The following CELF2 variants were observed in gnomAD, a reference collection of about 807,000 sequenced individuals.
The protein encoded by CELF2 is CUG triplet repeat RNA-binding protein 2.
A neutral mutation model predicts 62.6 loss-of-function variants in CELF2; 8 were observed. That is an observed-to-expected ratio of 0.13 (90% confidence interval 0.07 to 0.23). The LOEUF is 0.23. Among genes scored for constraint, CELF2 ranks in the 10% least tolerant of loss-of-function variants. The pLI, the probability that CELF2 is intolerant of heterozygous loss-of-function variation, is 1.00. For synonymous variants in CELF2, 258 were observed against 250.0 expected (o/e 1.03, Z -0.30); for missense variants, 333 against 671.0 (o/e 0.50, Z 5.56).
rs1354835716 is a variant in CELF2, at chr10:11,315,814, C to G, written c.1096+1556C>G. Among the ~76,000 whole-genome samples, 1 of 152,230 alleles carries G rather than the reference C, an allele frequency of 6.6e-6. No individual in the cohort carries two copies. Among genetic ancestry groups the G allele is most frequent in the Non-Finnish European group, 1.5e-5 (1 of 68,038 alleles). The stretch of plus-strand genomic sequence containing the variant: ...TTCCGGTACAGCTCCTCGCTCTGAC[C>G]TTGTCCTTCACCTAGGTCGAGGACG... On this transcript the variant is annotated intron_variant, in intron 10 of 12. Coordinates refer to ENST00000633077, the MANE Select transcript of CELF2 (RefSeq NM_001326342.2). The surrounding 1 kb of genome is among the most constrained non-coding windows in gnomAD (Gnocchi z 5.8).
chr10:10,703,022 C>T, the CELF2 span, among the ~76,000 whole-genome samples: 2 of 152,224 alleles, frequency 1.3e-5, no homozygotes, highest in Non-Finnish European at 2.9e-5. Context: ...AAAGGGTCAT[C>T]CCACTCTCCT....
In CELF2 at chr10:11,255,560, G is replaced by A. The variant is rs767548437; in HGVS notation, c.404-2178G>A. On this transcript the variant is annotated intron_variant, in intron 4 of 12. Transcript: ENST00000633077. The surrounding 1 kb of genome is among the most constrained non-coding windows in gnomAD (Gnocchi z 5.5). ...TCTCAAACACCTGGGTGCACGATTC[G>A]TAGTTTACAAGTATTGTGGAATCGT... Among the ~76,000 whole-genome samples the A allele has an allele frequency of 2.0e-5, 3 of 152,056 alleles. No homozygotes were observed. Among genetic ancestry groups the A allele is most frequent in the Admixed American group, 6.5e-5 (1 of 15,280 alleles).
At chr10:10,690,846 A>G in the CELF2 span, among the ~76,000 whole-genome samples, 1 of 152,188 alleles carries the variant, frequency 6.6e-6, no homozygotes, top group Non-Finnish European at 1.5e-5. Flanking sequence ...TGCCAACTGC[A>G]TTCCAGCCTG....
the CELF2 span, among the ~76,000 whole-genome samples, chr10:10,785,313 A>AT: frequency 1.3e-5 from 2 of 152,254 alleles, no homozygotes; most frequent in African/African-American, 4.8e-5. Context: ...GGACATTGGG[A>AT]TTTTAAAAGT....
chr10:10,948,503 T>C (rs539611377), intron 2 of CELF2: 2 of 152,166 alleles, frequency 1.3e-5, no homozygotes, highest in East Asian at 1.9e-4. Context: ...TAAGACTTGA[T>C]GTTCTGCTAT....
At chr10:11,058,054 T>G (rs113960697) in intron 1 of CELF2, among the ~76,000 whole-genome samples, 7 of 145,544 alleles carry the variant, frequency 4.8e-5, no homozygotes, top group African/African-American at 1.8e-4. Context: ...CAAATGGGAA[T>G]AGATTATCTG....
In CELF2 at chr10:11,273,347, C is replaced by T. The variant is rs183897616; in HGVS notation, c.778-1710C>T. Reference sequence around the variant, plus strand: ...CAGATCAGCGGCAGCCTTGGAATCTCCTAGGAGCACGAACCTGGTCTAAAC... The same window carrying T: ...CAGATCAGCGGCAGCCTTGGAATCTTCTAGGAGCACGAACCTGGTCTAAAC... On this transcript the variant is annotated intron_variant, in intron 7 of 12. Coordinates refer to ENST00000633077, the MANE Select transcript of CELF2 (RefSeq NM_001326342.2). 3.5e-4 allele frequency among the ~76,000 whole-genome samples: 53 copies of T among 152,222 alleles called. 1 individual carries two copies. Among genetic ancestry groups the T allele is most frequent in the Admixed American group, 1.2e-3 (18 of 15,300 alleles).
intron 2 of CELF2, among the ~76,000 whole-genome samples, chr10:10,994,282 T>C (rs2053722469): frequency 6.6e-6 from 1 of 152,260 alleles, no homozygotes; most frequent in African/African-American, 2.4e-5. Context: ...GTGCTTTTAA[T>C]GTTTAGAACA....
chr10:11,261,817 C>A (rs79421025), intron 5 of CELF2, among the ~76,000 whole-genome samples: 2,276 of 152,334 alleles, frequency 0.015, 28 homozygotes, highest in Non-Finnish European at 0.025. Context: ...CATGGGCCCA[C>A]ATGTGGCAAT....
In CELF2 at chr10:11,269,377, T is replaced by C. The variant is rs948915750; in HGVS notation, c.619-1289T>C. On this transcript the variant is annotated intron_variant, in intron 6 of 12. Transcript: ENST00000633077. The surrounding 1 kb of genome is among the most constrained non-coding windows in gnomAD (Gnocchi z 4.4). ...TTAACAGACATGATATCCTCATGTA[T>C]TCAGAACTGCATCCCCAGTAACTAC... is the stretch of plus-strand genomic sequence containing the variant. 2.6e-5 allele frequency among the ~76,000 whole-genome samples: 4 copies of C among 152,082 alleles called. No homozygotes were observed. Among genetic ancestry groups the C allele is most frequent in the Non-Finnish European group, 5.9e-5 (4 of 68,020 alleles).
chr10:10,788,883 C>T, the CELF2 span: 1 of 152,252 alleles, frequency 6.6e-6, no homozygotes, highest in South Asian at 2.1e-4. Context: ...AAGATTGGAG[C>T]TGGGTTAGGG....
chr10:10,560,366 A>G, the CELF2 span, among the ~76,000 whole-genome samples: 87 of 152,384 alleles, frequency 5.7e-4, no homozygotes, highest in African/African-American at 2.0e-3. Context: ...CCCTTGAAAT[A>G]TAATGAACTA....
the CELF2 span, among the ~76,000 whole-genome samples, chr10:10,579,865 G>A: frequency 8.0e-6 from 1 of 124,238 alleles, no homozygotes; most frequent in Non-Finnish European, 1.7e-5. Flanking sequence ...ACACACACAT[G>A]CACACACTCC....
intron 3 of CELF2, among the ~76,000 whole-genome samples, chr10:11,228,783 A>G (rs1208141126): frequency 6.6e-6 from 1 of 151,704 alleles, no homozygotes; most frequent in Admixed American, 6.6e-5. Context: ...AATCTCAGTC[A>G]CTGAGTTAAC....
intron 2 of CELF2, among the ~76,000 whole-genome samples, chr10:10,939,270 T>TGG (rs1316136872): frequency 9.5e-6 from 1 of 105,578 alleles, no homozygotes; most frequent in African/African-American, 4.6e-5. Context: ...AGTTCTTTTG[T>TGG]TTTGTGGTGT....
chr10:10,800,283 G>A (rs557870480), intron 1 of CELF2, among the ~76,000 whole-genome samples: 36 of 152,242 alleles, frequency 2.4e-4, no homozygotes, highest in Non-Finnish European at 3.7e-4. Context: ...CATATCAAAC[G>A]TGTTTTCATG....
At chr10:11,158,355 G>A (rs548359615) in intron 1 of CELF2, among the ~76,000 whole-genome samples, 77 of 152,268 alleles carry the variant, frequency 5.1e-4, no homozygotes, top group Non-Finnish European at 1.9e-4. Flanking sequence ...TCCCTAAAGC[G>A]CTTTGGGAAT....
At chr10:11,001,587 TG>T (rs1335759646), upstream of CELF2, among the ~76,000 whole-genome samples, 1 of 152,228 alleles carries the variant, frequency 6.6e-6, no homozygotes. Context: ...AGCTCAAATC[TG>T]AAAAGGCCAA....
intron 1 of CELF2, among the ~76,000 whole-genome samples, chr10:11,106,743 CT>C (rs1354736695): frequency 6.6e-6 from 1 of 152,214 alleles, no homozygotes; most frequent in African/African-American, 2.4e-5. Flanking sequence ...TACTTGTGGT[CT>C]TTACGGAAGG....
Sources: gnomAD v4.1 joint callset for allele counts (sites outside exome capture counted in the v4.1 genomes callset) on GRCh38, gnomAD v4.1.1 for gene constraint, Gnocchi (gnomAD v3.1) non-coding constraint, MANE v1.5 for transcripts, NCBI Gene and HGNC (gene_info 2026-07-23, HGNC 2026-07-21) for gene names.